The following DOP1B variants were observed in gnomAD, a reference collection of about 807,000 sequenced individuals.
DOP1B encodes the protein protein DOP1B.
In DOP1B, 174 loss-of-function variants were observed where a neutral mutation model predicts 233.5. The ratio of observed to expected loss-of-function variants is 0.75; its 90% CI spans 0.66 to 0.85. The LOEUF is 0.85. Among genes scored for constraint, DOP1B ranks in the 40% least tolerant of loss-of-function variants. The pLI is 0.00. For synonymous variants in DOP1B, 1,190 were observed against 1,185.6 expected (o/e 1.00, Z -0.08); for missense variants, 2,652 against 2,846.6 (o/e 0.93, Z 1.56).
At chr21:36,208,117 AG>A (rs1335197688) in intron 4 of DOP1B, among the ~76,000 whole-genome samples, 2 of 152,226 alleles carry the variant, frequency 1.3e-5, no homozygotes, top group Non-Finnish European at 1.5e-5. Context: ...CAGCACATGC[AG>A]GTGCTGTGGG....
At chr21:36,256,562 A>G (rs2067099917) in intron 23 of DOP1B, among the ~76,000 whole-genome samples, 1 of 152,226 alleles carries the variant, frequency 6.6e-6, no homozygotes, top group Non-Finnish European at 1.5e-5. Context: ...GGTGGACGCA[A>G]TCCCTGTGTG....
chr21:36,252,894 T>C (rs1228567797), intron 22 of DOP1B, among the ~76,000 whole-genome samples: 2 of 152,196 alleles, frequency 1.3e-5, no homozygotes, highest in African/African-American at 4.8e-5. Context: ...TCAACCTCAA[T>C]CCTCTTCCTT....
chr21:36,183,624 T>C (rs1688098125), intron 2 of DOP1B, among the ~76,000 whole-genome samples: 1 of 152,260 alleles, frequency 6.6e-6, no homozygotes, highest in Non-Finnish European at 1.5e-5. Flanking sequence ...GAGGACCTTC[T>C]GTCTCCCCAT....
At chr21:36,163,137 G>A (rs2065882206) in intron 1 of DOP1B, among the ~76,000 whole-genome samples, 1 of 152,006 alleles carries the variant, frequency 6.6e-6, no homozygotes, top group South Asian at 2.1e-4. Context: ...ACGAGGTCAG[G>A]AGTTCAAGAC....
At chr21:36,255,331 C>T (rs1420289323) in intron 23 of DOP1B, among the ~76,000 whole-genome samples, 2 of 151,696 alleles carry the variant, frequency 1.3e-5, no homozygotes, top group African/African-American at 4.8e-5. Flanking sequence ...TTAGTAGAGA[C>T]GGGATTTTGC....
intron 27 of DOP1B, among the ~76,000 whole-genome samples, chr21:36,272,965 CAA>C (rs1225195062): frequency 1.1e-5 from 1 of 89,078 alleles, no homozygotes; most frequent in Non-Finnish European, 2.0e-5. Context: ...GCCTGGGCAA[CAA>C]GAGCAAAACT....
chr21:36,231,530 A>G (rs1421363133), intron 14 of DOP1B, among the ~76,000 whole-genome samples: 1 of 152,186 alleles, frequency 6.6e-6, no homozygotes, highest in Non-Finnish European at 1.5e-5. Context: ...ACCACATGGC[A>G]AAGTGGTAAG....
Position 36,237,269 on chromosome 21 carries a change from C to T in DOP1B, c.2630C>T (p.Ala877Val), listed in dbSNP as rs1362670864. The T allele has an allele frequency of 1.2e-6, 2 of 1,614,144 alleles. No individual in the cohort carries two copies. Among genetic ancestry groups the T allele is most frequent in the East Asian group, 2.2e-5 (1 of 44,864 alleles). The change falls in exon 16 of 37, where the codon GCT becomes GTT. Residue 877 changes from alanine to valine, a missense_variant. Physicochemically the swap from Ala to Val is moderately conservative, Grantham distance 64. Around this residue, in one of 3 missense-constraint regions of DOP1B, gnomAD observed 2,617 missense variants for 2,794.3 expected, o/e 0.94. Transcript: ENST00000691173. ...GCCTTTTCCTTGTCCCAGAGGGTGG[C>T]TCGTGTGCTTTGGAATCAGCTGAAC... ...AEKTDFYQRVARVLWNQLNKE... is the reference protein window; with the variant it reads ...AEKTDFYQRVVRVLWNQLNKE...
rs1391568286 is a variant in DOP1B, at chr21:36,233,013, A to G, written c.2560A>G (p.Thr854Ala). Residue 854 changes from threonine to alanine, a missense_variant, in exon 15 of 37, where the codon ACG becomes GCG. This residue lies in a region of DOP1B where 2,617 missense variants were observed against 2,794.3 expected (regional missense o/e 0.94). Transcript: ENST00000691173. ...NPFFGKLQMV[T>A]VPPIAPGILK... Reference sequence around the variant, plus strand: ...TTTTTTTGGCAAGCTGCAGATGGTGACGGTTCCTCCCATTGCTCCAGGGAT... The same window carrying G: ...TTTTTTTGGCAAGCTGCAGATGGTGGCGGTTCCTCCCATTGCTCCAGGGAT... The G allele has an allele frequency of 6.2e-7, 1 of 1,613,946 alleles. No homozygotes were observed. Among genetic ancestry groups the G allele is most frequent in the African/African-American group, 1.3e-5 (1 of 74,904 alleles).
chr21:36,249,657 C>A (rs995057324), intron 21 of DOP1B, among the ~76,000 whole-genome samples: 1 of 151,828 alleles, frequency 6.6e-6, no homozygotes, highest in African/African-American at 2.4e-5. Flanking sequence ...ATAGTTTAGT[C>A]TTTGGTTTTC....
chr21:36,186,674 G>A (rs1030108756), intron 2 of DOP1B, among the ~76,000 whole-genome samples: 4 of 152,070 alleles, frequency 2.6e-5, no homozygotes, highest in South Asian at 2.1e-4. Context: ...CCCCACCCCC[G>A]GAGTGTGGGC....
chr21:36,170,266 A>T, intron 2 of DOP1B: 1 of 337,180 alleles, frequency 3.0e-6, no homozygotes, highest in Non-Finnish European at 5.5e-6. Flanking sequence ...GCACCTTTTC[A>T]TATGCTTTTT....
At chr21:36,237,610 C>G (rs1018214747) in intron 16 of DOP1B, among the ~76,000 whole-genome samples, 196 bp downstream of exon 16, 1 of 152,224 alleles carries the variant, frequency 6.6e-6, no homozygotes, top group African/African-American at 2.4e-5. Context: ...TTTTACAGCC[C>G]TGGAAATGTG....
chr21:36,204,474 G>A (rs951253383), intron 4 of DOP1B, among the ~76,000 whole-genome samples: 13 of 151,978 alleles, frequency 8.6e-5, no homozygotes, highest in African/African-American at 3.1e-4. Flanking sequence ...GAGCACTTGC[G>A]ACGTGCATGA....
intron 2 of DOP1B, among the ~76,000 whole-genome samples, chr21:36,186,965 G>T (rs572524285): frequency 5.9e-5 from 9 of 152,034 alleles, no homozygotes; most frequent in Non-Finnish European, 1.2e-4. Flanking sequence ...TTCGGGGCCC[G>T]TCTTAGGAGC....
In DOP1B at chr21:36,288,020, TGACA is replaced by T. The variant is rs2067508620; in HGVS notation, c.6172_6175del (p.Asp2058IlefsTer9). The T allele has an allele frequency of 1.9e-6, 3 of 1,613,212 alleles. No homozygotes were observed. The highest frequency in any genetic ancestry group is 1.7e-4 in the Middle Eastern group (1 of 6,060). On this transcript the variant is annotated frameshift_variant, in exon 33 of 37. Transcript: ENST00000691173. LOFTEE classifies it high-confidence loss of function. ...TACAATCTTCTTTCCTTAGAACGCC[TGACA>T]GACAATCTCAGAGTTGGACAGACAT... is the stretch of plus-strand genomic sequence containing the variant.
At chr21:36,191,694 G>A (rs544803080) in intron 2 of DOP1B, among the ~76,000 whole-genome samples, 1 of 152,034 alleles carries the variant, frequency 6.6e-6, no homozygotes, top group East Asian at 1.9e-4. Flanking sequence ...GCGGAGGCAG[G>A]AGAATTGCTT....
At chr21:36,233,276 C>G (rs888680375) in intron 15 of DOP1B, among the ~76,000 whole-genome samples, 2 of 152,200 alleles carry the variant, frequency 1.3e-5, no homozygotes, top group African/African-American at 4.8e-5. Context: ...GTGAGAGCAA[C>G]TGGGGCCCCA....
intron 15 of DOP1B, among the ~76,000 whole-genome samples, chr21:36,235,709 C>A (rs1373070136): frequency 6.6e-6 from 1 of 151,998 alleles, no homozygotes; most frequent in Non-Finnish European, 1.5e-5. Flanking sequence ...GCCTGGGGCA[C>A]ATAGTGAGAC....
Sources: allele counts gnomAD v4.1 joint callset (sites outside exome capture counted in the v4.1 genomes callset), GRCh38; gene constraint gnomAD v4.1.1; regional missense constraint gnomAD v4.1.1; transcripts MANE v1.5; gene names NCBI Gene and HGNC (gene_info 2026-07-23, HGNC 2026-07-21).